Variants in MLIP observed in about 807,000 individuals in gnomAD.
MLIP encodes the protein muscular LMNA interacting protein.
A neutral mutation model predicts 84.8 loss-of-function variants in MLIP; 79 were observed. That is an observed-to-expected ratio of 0.93 (90% CI 0.78 to 1.12). MLIP has a LOEUF of 1.12. Ranked by LOEUF, MLIP falls within the 50% of genes most tolerant of loss-of-function variation. The pLI is 0.00. For missense variants in MLIP, 1,257 were observed against 1,160.6 expected, an observed-to-expected ratio of 1.08 and a Z score of -1.21; for synonymous variants, 504 against 463.0, an observed-to-expected ratio of 1.09 and a Z score of -1.14.
At chr6:54,028,774 G>C (rs1381276102) in intron 1 of MLIP, 1 of 152,182 alleles carries the variant, frequency 6.6e-6, no homozygotes, top group Non-Finnish European at 1.5e-5. Context: ...GGCTTTCAAT[G>C]AATCTCCTTC....
In MLIP at chr6:54,266,079, C is replaced by T. The variant is rs937645222; in HGVS notation, c.*124C>T. 8.7e-6 allele frequency: 8 copies of T among 917,084 alleles called. No homozygotes were observed. The highest frequency in any genetic ancestry group is 1.4e-5 in the Non-Finnish European group (8 of 591,304). 56.8% of individuals were successfully genotyped at this position (917,084 alleles called of 1,614,324 possible). On this transcript the variant is annotated 3_prime_UTR_variant, in exon 14 of 14. Coordinates refer to ENST00000502396, the MANE Select transcript of MLIP (RefSeq NM_001281747.2). ...AGTGCTCCCTTTATGAGCTGCAGTG[C>T]AGCAGAACCAAAAAAAAAGTTTGCT...
chr6:54,100,121 G>A (rs543895835), intron 1 of MLIP, among the ~76,000 whole-genome samples: 43 of 152,102 alleles, frequency 2.8e-4, no homozygotes, highest in South Asian at 4.2e-4. Context: ...AATCTCTTTT[G>A]AAAGCTTATC....
chr6:54,211,951 T>C (rs982011146), intron 11 of MLIP, among the ~76,000 whole-genome samples: 2 of 152,186 alleles, frequency 1.3e-5, no homozygotes, highest in African/African-American at 4.8e-5. Flanking sequence ...CTTAGTTCTT[T>C]AGGGAGAACT....
intron 3 of MLIP, among the ~76,000 whole-genome samples, chr6:54,133,719 A>C (rs1053134010): frequency 1.3e-5 from 2 of 152,206 alleles, no homozygotes; most frequent in South Asian, 2.1e-4. Flanking sequence ...TCTCTATTAC[A>C]TAGGATCTGA....
At chr6:54,152,461 T>C (rs1174136463) in intron 5 of MLIP, among the ~76,000 whole-genome samples, 2 of 152,048 alleles carry the variant, frequency 1.3e-5, no homozygotes, top group Non-Finnish European at 2.9e-5. Flanking sequence ...ACTTCTTACA[T>C]GGTGGTGGTA....
At chr6:54,200,693 C>A (rs1778619084) in intron 10 of MLIP, among the ~76,000 whole-genome samples, 2 of 144,296 alleles carry the variant, frequency 1.4e-5, no homozygotes, top group Admixed American at 6.9e-5. Context: ...TGACTTCATG[C>A]ACAATTGGAT....
At chr6:54,221,433 C>T (rs1780212025) in intron 11 of MLIP, among the ~76,000 whole-genome samples, 1 of 151,988 alleles carries the variant, frequency 6.6e-6, no homozygotes, top group African/African-American at 2.4e-5. Context: ...TGAAAAGTGA[C>T]AGAGTATTCC....
chr6:54,049,067 G>C (rs1765231880), intron 1 of MLIP, among the ~76,000 whole-genome samples: 1 of 152,134 alleles, frequency 6.6e-6, no homozygotes, highest in Non-Finnish European at 1.5e-5. Flanking sequence ...TTGTTTTAAA[G>C]AAAGAATAAG....
chr6:54,155,797 T>G (rs1356155948), intron 5 of MLIP, among the ~76,000 whole-genome samples: 2 of 152,056 alleles, frequency 1.3e-5, no homozygotes, highest in African/African-American at 4.8e-5. Context: ...TGAGATTTAT[T>G]TGGTATCTTT....
At chr6:54,027,166 A>C (rs1763852850) in intron 1 of MLIP, among the ~76,000 whole-genome samples, 1 of 152,188 alleles carries the variant, frequency 6.6e-6, no homozygotes, top group Non-Finnish European at 1.5e-5. Flanking sequence ...AGTACTGATC[A>C]ATTAAATTGC....
intron 1 of MLIP, among the ~76,000 whole-genome samples, chr6:54,059,157 A>T (rs1455735980): frequency 6.6e-6 from 1 of 152,192 alleles, no homozygotes; most frequent in Non-Finnish European, 1.5e-5. Flanking sequence ...CCTAGCTTGC[A>T]TGCTTTCCTT....
At chr6:54,228,945 G>T (rs1298089155) in intron 11 of MLIP, among the ~76,000 whole-genome samples, 2 of 152,080 alleles carry the variant, frequency 1.3e-5, no homozygotes, top group Non-Finnish European at 2.9e-5. Context: ...GTTTGATTTA[G>T]AAATAAAACA....
At chr6:54,142,280 G>C (rs545594438) in intron 4 of MLIP, among the ~76,000 whole-genome samples, 1 of 152,270 alleles carries the variant, frequency 6.6e-6, no homozygotes, top group East Asian at 1.9e-4. Flanking sequence ...TGGTGGAAGA[G>C]AAACAATCAA....
chr6:54,151,149 A>G (rs1180960515), intron 5 of MLIP, among the ~76,000 whole-genome samples: 1 of 152,116 alleles, frequency 6.6e-6, no homozygotes, highest in Non-Finnish European at 1.5e-5. Flanking sequence ...CAAAGGTCTC[A>G]GATGTTAAGT....
At chr6:54,170,992 G>A (rs4712057) in intron 9 of MLIP, among the ~76,000 whole-genome samples, 35,990 of 151,146 alleles carry the variant, frequency 0.24, 5,258 homozygotes, top group Middle Eastern at 0.33. Context: ...AAAAGTTGCT[G>A]CAATTTTTGC....
At chr6:54,035,968 T>A (rs2150292207) in intron 1 of MLIP, among the ~76,000 whole-genome samples, 1 of 152,192 alleles carries the variant, frequency 6.6e-6, no homozygotes, top group Middle Eastern at 3.4e-3. Flanking sequence ...AGATTTTAAT[T>A]TCTCAGAGGT....
chr6:54,090,484 T>C (rs909298936), intron 1 of MLIP, among the ~76,000 whole-genome samples: 6 of 152,182 alleles, frequency 3.9e-5, no homozygotes, highest in Admixed American at 3.9e-4. Flanking sequence ...TCACATTCTG[T>C]CTAGAACAAC....
At chr6:54,142,422 A>G (rs578093248) in intron 4 of MLIP, among the ~76,000 whole-genome samples, 3 of 152,294 alleles carry the variant, frequency 2.0e-5, no homozygotes, top group African/African-American at 7.2e-5. Flanking sequence ...GGGTATTGGG[A>G]TAGGTTTCTT....
intron 4 of MLIP, among the ~76,000 whole-genome samples, chr6:54,148,303 A>T (rs565391136): frequency 1.3e-5 from 2 of 152,178 alleles, no homozygotes; most frequent in African/African-American, 4.8e-5. Flanking sequence ...ATTTATCCTG[A>T]TTTCTACAGC....
Sources: gnomAD v4.1 joint callset for allele counts (sites outside exome capture counted in the v4.1 genomes callset) on GRCh38, gnomAD v4.1.1 for gene constraint, MANE v1.5 for transcripts, NCBI Gene and HGNC (gene_info 2026-07-23, HGNC 2026-07-21) for gene names.